Variants in DEPDC5 observed in about 807,000 individuals in gnomAD.
DEPDC5 encodes the protein DEP domain containing 5, GATOR1 subcomplex subunit.
A neutral mutation model predicts 217.3 loss-of-function variants in DEPDC5; 73 were observed. That is an observed-to-expected ratio of 0.34 (90% CI 0.28 to 0.41). The LOEUF (loss-of-function observed/expected upper bound fraction) is 0.41, where lower values mean the gene tolerates loss of function less well. DEPDC5 is among the 10% of genes least tolerant of loss of function. DEPDC5 has a pLI of 1.00. For missense variants in DEPDC5, 1,675 were observed against 2,070.1 expected, an observed-to-expected ratio of 0.81 and a Z score of 3.70; for synonymous variants, 733 against 756.7, an observed-to-expected ratio of 0.97 and a Z score of 0.51.
intron 22 of DEPDC5, among the ~76,000 whole-genome samples, 164 bp from the exon 23 acceptor site, chr22:31,821,338 T>C (rs2089677867): frequency 6.6e-6 from 1 of 152,250 alleles, no homozygotes; most frequent in Non-Finnish European, 1.5e-5. Context: ...TGGGTCCTGC[T>C]TGGAAGAGCA....
chr22:31,760,586 G>A (rs1293285965), intron 3 of DEPDC5, 70 bp from the exon 4 acceptor site: 5 of 1,407,360 alleles, frequency 3.6e-6, no homozygotes, highest in Non-Finnish European at 4.9e-6. Flanking sequence ...TTTGCCTTTT[G>A]TCGGGGATGA....
intron 11 of DEPDC5, 32 bp from the exon 12 acceptor site, chr22:31,792,713 C>A: frequency 6.6e-7 from 1 of 1,507,702 alleles, no homozygotes; most frequent in South Asian, 1.3e-5. Flanking sequence ...TCTTCTCAGC[C>A]TGAACTACAT....
chr22:31,783,641 C>A (rs2084688024), intron 8 of DEPDC5, among the ~76,000 whole-genome samples: 1 of 152,002 alleles, frequency 6.6e-6, no homozygotes, highest in African/African-American at 2.4e-5. Context: ...GCACTCCAGC[C>A]TTGGGTGGCA....
intron 31 of DEPDC5, among the ~76,000 whole-genome samples, chr22:31,847,480 G>A (rs1209732010): frequency 6.6e-6 from 1 of 152,184 alleles, no homozygotes; most frequent in East Asian, 1.9e-4. Context: ...CAGGGCTGGG[G>A]AGGCCTCAGG....
At chr22:31,834,219 C>G (rs898501988) in intron 25 of DEPDC5, 1 of 535,450 alleles carries the variant, frequency 1.9e-6, no homozygotes, top group Non-Finnish European at 3.5e-6. Context: ...GGAAAGGTAG[C>G]AGATTCCCTA....
chr22:31,812,178 CAG>C (rs1473085251), intron 20 of DEPDC5, among the ~76,000 whole-genome samples: 1 of 150,656 alleles, frequency 6.6e-6, no homozygotes, highest in East Asian at 2.0e-4. Flanking sequence ...TTAGTAGAGA[CAG>C]GGTTTCACTG....
chr22:31,792,998 A>G (rs2085857146), intron 12 of DEPDC5, among the ~76,000 whole-genome samples, 181 bp downstream of exon 12: 1 of 152,034 alleles, frequency 6.6e-6, no homozygotes, highest in South Asian at 2.1e-4. Flanking sequence ...TGAGCCTGGG[A>G]GGTGGAGGTT....
intron 21 of DEPDC5, chr22:31,815,830 C>A: frequency 8.4e-7 from 1 of 1,188,792 alleles, no homozygotes; most frequent in Non-Finnish European, 1.0e-6. Context: ...TTACCGCACC[C>A]TGCCTCTATT....
intron 33 of DEPDC5, among the ~76,000 whole-genome samples, chr22:31,869,306 A>T (rs2092773656): frequency 6.6e-6 from 1 of 151,984 alleles, no homozygotes; most frequent in African/African-American, 2.4e-5. Context: ...AGAAGCTCAT[A>T]GAGGTCCAGA....
intron 7 of DEPDC5, among the ~76,000 whole-genome samples, chr22:31,773,136 C>T (rs1426918661): frequency 6.6e-6 from 1 of 152,100 alleles, no homozygotes; most frequent in Non-Finnish European, 1.5e-5. Context: ...CTCATACACA[C>T]AGTTCTAGAT....
chr22:31,773,720 C>T (rs2083561448), intron 7 of DEPDC5, among the ~76,000 whole-genome samples: 1 of 152,150 alleles, frequency 6.6e-6, no homozygotes, highest in South Asian at 2.1e-4. Context: ...AAAGTCATTA[C>T]AAATGGTCAA....
At chr22:31,881,496 C>T (rs1299844195) in intron 38 of DEPDC5, among the ~76,000 whole-genome samples, 2 of 151,986 alleles carry the variant, frequency 1.3e-5, no homozygotes, top group African/African-American at 4.8e-5. Flanking sequence ...ACTTCCTTGA[C>T]GTTTTTTTGG....
At position 31,907,925 on chromosome 22, in the gene DEPDC5, C is replaced by T. The variant is rs1234253720; in HGVS notation, c.*1428C>T. 1 of 152,274 alleles carries T rather than the reference C, an allele frequency of 6.6e-6. No homozygotes were observed. Among genetic ancestry groups the T allele is most frequent in the African/African-American group, 2.4e-5 (1 of 41,456 alleles). The allele number at this position is 152,274 out of a possible 1,614,324, so 9.4% of individuals were successfully genotyped here. Reference sequence around the variant, plus strand: ...GCCCTGAGCTGCCACTCAGTCCAGCCTTCCTTTGTCTTTCTCTTAGATCCC... The same window carrying T: ...GCCCTGAGCTGCCACTCAGTCCAGCTTTCCTTTGTCTTTCTCTTAGATCCC... On this transcript the variant is annotated 3_prime_UTR_variant, in exon 43 of 43. Coordinates refer to ENST00000651528, the MANE Select transcript of DEPDC5 (RefSeq NM_001242896.3).
At position 31,755,913 on chromosome 22, in the gene DEPDC5, A is replaced by T. The variant is rs145722267; in HGVS notation, c.58+934A>T. On this transcript the variant is annotated intron_variant, in intron 2 of 42. Coordinates refer to ENST00000651528, the MANE Select transcript of DEPDC5 (RefSeq NM_001242896.3). Reference sequence around the variant, plus strand: ...TTTTGAGACAGAGTCTCGCTCTGTCACCAGGCTGGAGTGCAGTGGCGTGAT... The same window carrying T: ...TTTTGAGACAGAGTCTCGCTCTGTCTCCAGGCTGGAGTGCAGTGGCGTGAT... Among the ~76,000 whole-genome samples the T allele has an allele frequency of 3.9e-4, 59 of 151,760 alleles. 1 individual carries two copies. In the East Asian group the frequency reaches 0.011, roughly 27 times the overall value.
At chr22:31,811,672 C>T (rs2088359896) in intron 20 of DEPDC5, among the ~76,000 whole-genome samples, 1 of 151,874 alleles carries the variant, frequency 6.6e-6, no homozygotes, top group Non-Finnish European at 1.5e-5. Context: ...GCCTCTGCCT[C>T]CCAAGTAGCT....
chr22:31,841,891 C>G (rs1418578848), intron 27 of DEPDC5, among the ~76,000 whole-genome samples: 1 of 152,208 alleles, frequency 6.6e-6, no homozygotes, highest in African/African-American at 2.4e-5. Context: ...GTTCTCCTGC[C>G]TCAAGAGGAC....
chr22:31,772,835 G>GTAGTAGCA (rs2083476065), intron 7 of DEPDC5, among the ~76,000 whole-genome samples: 1 of 151,868 alleles, frequency 6.6e-6, no homozygotes. Context: ...AGGCTGGAGT[G>GTAGTAGCA]TAGTAGCATG....
intron 38 of DEPDC5, among the ~76,000 whole-genome samples, chr22:31,887,751 C>G (rs2093349860): frequency 6.6e-6 from 1 of 152,124 alleles, no homozygotes; most frequent in Admixed American, 6.6e-5. Flanking sequence ...ACAGCTAATT[C>G]TATCCAATAA....
At chr22:31,856,909 G>A (rs1479155835) in intron 31 of DEPDC5, among the ~76,000 whole-genome samples, 1 of 152,048 alleles carries the variant, frequency 6.6e-6, no homozygotes, top group African/African-American at 2.4e-5. Flanking sequence ...AGCTGCGACT[G>A]TAGGCGTGCA....
Sources: gnomAD v4.1 joint callset for allele counts (sites outside exome capture counted in the v4.1 genomes callset) on GRCh38, gnomAD v4.1.1 for gene constraint, MANE v1.5 for transcripts, NCBI Gene and HGNC (gene_info 2026-07-23, HGNC 2026-07-21) for gene names.